Variants in RNF214 observed in about 807,000 individuals in gnomAD.
RNF214 encodes the protein ring finger protein 214.
In RNF214, 25 loss-of-function variants were observed where a neutral mutation model predicts 75.9. The observed-to-expected ratio is 0.33, with a 90% CI of 0.24 to 0.46. The LOEUF (loss-of-function observed/expected upper bound fraction) is 0.46. Ranked by LOEUF, RNF214 falls within the 20% of genes least tolerant of loss-of-function variation. The probability of loss-of-function intolerance (pLI) is 1.00; values close to 1 mark genes in which losing one functional copy is unlikely to be tolerated. For synonymous variants in RNF214, 314 were observed against 308.8 expected (o/e 1.02, Z -0.18); for missense variants, 725 against 857.5 (o/e 0.85, Z 1.93).
chr11:117,285,203 CG>C lies in RNF214; in HGVS notation c.*55del, dbSNP rs1243172785. On this transcript the variant is annotated 3_prime_UTR_variant, in exon 15 of 15. Coordinates refer to ENST00000300650, the MANE Select transcript of RNF214 (RefSeq NM_207343.4). Reference sequence around the variant, plus strand: ...GAGAAACTGATGTGAACAGGAAGCGCGGGTTCAAGATTTCTAAAACTCTATA... The same window carrying C: ...GAGAAACTGATGTGAACAGGAAGCGCGGTTCAAGATTTCTAAAACTCTATA... 5 of 1,263,254 alleles carry C rather than the reference CG, an allele frequency of 4.0e-6. No homozygotes were observed. The highest frequency in any genetic ancestry group is 5.8e-6 in the Non-Finnish European group (5 of 862,140). 78.3% of individuals were successfully genotyped at this position (1,263,254 alleles called of 1,614,324 possible).
At chr11:117,234,545 T>G (rs2032847399) in intron 2 of RNF214, among the ~76,000 whole-genome samples, 166 bp downstream of exon 2, 1 of 152,210 alleles carries the variant, frequency 6.6e-6, no homozygotes, top group African/African-American at 2.4e-5. Context: ...ACACAGCACC[T>G]GATACTCAGC....
chr11:117,243,148 A>C (rs1388276906), intron 4 of RNF214, among the ~76,000 whole-genome samples: 1 of 90,074 alleles, frequency 1.1e-5, no homozygotes, highest in Admixed American at 1.1e-4. Flanking sequence ...TAATTAATTA[A>C]TTTATTTATT....
chr11:117,278,860 G>C (rs2034068901), intron 6 of RNF214, among the ~76,000 whole-genome samples: 1 of 152,198 alleles, frequency 6.6e-6, no homozygotes, highest in Admixed American at 6.5e-5. Flanking sequence ...GGAGGCCGAG[G>C]TGGCAGGATC....
chr11:117,249,478 G>A (rs532710410), intron 6 of RNF214, among the ~76,000 whole-genome samples: 4 of 152,232 alleles, frequency 2.6e-5, no homozygotes, highest in African/African-American at 9.6e-5. Flanking sequence ...GAAGCAGGGG[G>A]AATGTCTCTT....
intron 4 of RNF214, among the ~76,000 whole-genome samples, chr11:117,240,111 G>A (rs2033029619): frequency 6.6e-6 from 1 of 151,888 alleles, no homozygotes; most frequent in Non-Finnish European, 1.5e-5. Context: ...CTAACATTTT[G>A]GGAAGCCGAA....
chr11:117,282,723 T>C, intron 12 of RNF214, 23 bp from the exon 13 acceptor site: 1 of 1,603,888 alleles, frequency 6.2e-7, no homozygotes, highest in Non-Finnish European at 8.5e-7. Flanking sequence ...CTTCCCTTAC[T>C]CTGACAATGT....
At chr11:117,257,125 G>A (rs536339974) in intron 6 of RNF214, among the ~76,000 whole-genome samples, 160 of 152,154 alleles carry the variant, frequency 1.1e-3, no homozygotes, top group Non-Finnish European at 1.8e-3. Context: ...TTACTTGAGC[G>A]CAGGAGTTCG....
At chr11:117,247,201 C>A (rs73580342) in intron 6 of RNF214, among the ~76,000 whole-genome samples, 207 of 152,164 alleles carry the variant, frequency 1.4e-3, no homozygotes, top group African/African-American at 4.9e-3. Flanking sequence ...GTCAAGAGTT[C>A]GATACGGGCT....
chr11:117,238,522 T>C, intron 2 of RNF214, 79 bp from the exon 3 acceptor site: 2 of 1,259,476 alleles, frequency 1.6e-6, no homozygotes, highest in South Asian at 2.9e-5. Context: ...CGGGAGGGTT[T>C]ACGTAGTCTA....
intron 6 of RNF214, among the ~76,000 whole-genome samples, chr11:117,251,238 G>T (rs1379137103): frequency 4.3e-5 from 1 of 23,122 alleles, no homozygotes; most frequent in Non-Finnish European, 1.1e-4. Context: ...CTGGCCGGGC[G>T]GGGGGCTGAC....
At chr11:117,268,243 T>C (rs1361069738) in intron 6 of RNF214, among the ~76,000 whole-genome samples, 1 of 152,226 alleles carries the variant, frequency 6.6e-6, no homozygotes, top group Admixed American at 6.5e-5. Flanking sequence ...GTTCTGTAAA[T>C]TGGAGCAAGG....
chr11:117,248,670 G>T (rs1477849305), intron 6 of RNF214, among the ~76,000 whole-genome samples: 1 of 152,166 alleles, frequency 6.6e-6, no homozygotes, highest in Non-Finnish European at 1.5e-5. Context: ...TGGGTCAGTT[G>T]TCTATAATGA....
intron 6 of RNF214, 65 bp from the exon 7 acceptor site, chr11:117,279,843 C>T (rs1379608852): frequency 1.6e-6 from 2 of 1,276,064 alleles, no homozygotes; most frequent in Admixed American, 2.3e-5. Context: ...TGTACTTTTG[C>T]CCTGGTATCT....
intron 4 of RNF214, among the ~76,000 whole-genome samples, chr11:117,240,813 G>A (rs368737592): frequency 6.6e-6 from 1 of 151,792 alleles, no homozygotes; most frequent in Admixed American, 6.6e-5. Context: ...AGGCTGAGGC[G>A]GGTGGATCAC....
At chr11:117,259,233 A>G (rs1252927020) in intron 6 of RNF214, among the ~76,000 whole-genome samples, 4 of 152,198 alleles carry the variant, frequency 2.6e-5, no homozygotes, top group Non-Finnish European at 5.9e-5. Context: ...CTGGGATTAT[A>G]GGCGTGAGCT....
intron 6 of RNF214, among the ~76,000 whole-genome samples, chr11:117,274,999 T>C (rs1257741075): frequency 6.6e-6 from 1 of 152,082 alleles, no homozygotes; most frequent in African/African-American, 2.4e-5. Flanking sequence ...TTTTTCAAGA[T>C]AGGCCATATG....
chr11:117,238,803 G>A lies in RNF214; in HGVS notation c.310G>A (p.Gly104Arg). Residue 104 changes from glycine to arginine, a missense_variant, in exon 3 of 15, where the codon GGG becomes AGG. By Grantham distance (125) the Gly-to-Arg change is moderately radical. Around this residue, in one of 2 missense-constraint regions of RNF214, gnomAD observed 362 missense variants for 344.5 expected, o/e 1.05. Coordinates refer to ENST00000300650, the MANE Select transcript of RNF214 (RefSeq NM_207343.4). ...CACAGCCCTTTGTCTTTCTGGCAGT[G>A]GGTCTCAGTCTGATTTGAAGGATGT... ...IATALCLSGS[G>R]SQSDLKDVAS... 1 of 1,614,214 alleles carries A rather than the reference G, an allele frequency of 6.2e-7. No homozygotes were observed. Among genetic ancestry groups the A allele is most frequent in the Non-Finnish European group, 8.5e-7 (1 of 1,180,038 alleles).
At position 117,281,715 on chromosome 11, in the gene RNF214, G is replaced by T. The variant is rs772949584; in HGVS notation, c.1335+17G>T. The T allele has an allele frequency of 6.3e-7, 1 of 1,591,630 alleles. No individual in the cohort carries two copies. Among genetic ancestry groups the T allele is most frequent in the Non-Finnish European group, 8.6e-7 (1 of 1,159,914 alleles). On this transcript the variant is annotated intron_variant, in intron 10 of 14. Coordinates refer to ENST00000300650, the MANE Select transcript of RNF214 (RefSeq NM_207343.4). Reference sequence around the variant, plus strand: ...CCATCAGAGGTAAGAGAGTGGCTTTGGGGGGAAGTTCACCTTTCTGTGTTG... The same window carrying T: ...CCATCAGAGGTAAGAGAGTGGCTTTTGGGGGAAGTTCACCTTTCTGTGTTG...
At chr11:117,259,108 G>C (rs531970021) in intron 6 of RNF214, among the ~76,000 whole-genome samples, 2 of 152,126 alleles carry the variant, frequency 1.3e-5, no homozygotes, top group South Asian at 4.2e-4. Flanking sequence ...AGATGTGCAC[G>C]ATCACGCCCA....
Sources: gnomAD v4.1 joint callset for allele counts (sites outside exome capture counted in the v4.1 genomes callset) on GRCh38, gnomAD v4.1.1 for gene constraint, gnomAD v4.1.1 regional missense constraint, MANE v1.5 for transcripts, NCBI Gene and HGNC (gene_info 2026-07-23, HGNC 2026-07-21) for gene names.